ADCY4: variants seen among roughly 807,000 people sequenced by gnomAD.
ADCY4 encodes adenylate cyclase type 4.
Under a neutral mutation model 125.5 loss-of-function variants are expected in ADCY4, and 111 were observed. The ratio of observed to expected loss-of-function variants is 0.88; its 90% CI spans 0.76 to 1.04. ADCY4 has a LOEUF of 1.04. Ranked by LOEUF, ADCY4 falls within the 50% of genes least tolerant of loss-of-function variation. The probability of loss-of-function intolerance (pLI) is 0.00; values close to 1 mark genes in which losing one functional copy is unlikely to be tolerated. For missense variants in ADCY4, 1,256 were observed against 1,382.9 expected (o/e 0.91, Z 1.46); for synonymous variants, 576 against 586.9 (o/e 0.98, Z 0.27).
intron 6 of ADCY4, 98 bp downstream of exon 6, chr14:24,330,919 TG>T: frequency 9.4e-7 from 1 of 1,059,982 alleles, no homozygotes; most frequent in Non-Finnish European, 1.4e-6. Context: ...TGCACTGAAG[TG>T]GGCCTGGGAT....
chr14:24,334,040 C>T (rs2139231068), intron 1 of ADCY4, among the ~76,000 whole-genome samples: 1 of 152,326 alleles, frequency 6.6e-6, no homozygotes, highest in African/African-American at 2.4e-5. Flanking sequence ...TTCTTCCTCC[C>T]CAAACAGAAA....
chr14:24,322,116 G>T lies in ADCY4; in HGVS notation c.2536C>A (p.Leu846Ile), dbSNP rs1438151899. 1.2e-6 allele frequency: 2 copies of T among 1,614,156 alleles called. No individual in the cohort carries two copies. Among genetic ancestry groups the T allele is most frequent in the Non-Finnish European group, 1.7e-6 (2 of 1,180,002 alleles). Residue 846 changes from leucine (L) to isoleucine (I), a missense_variant, in exon 20 of 25, where the codon CTC becomes ATC. Physicochemically the swap from Leu to Ile is conservative, Grantham distance 5. Coordinates refer to ENST00000418030, the MANE Select transcript of ADCY4 (RefSeq NM_001198568.2). ...AACTGGGGGGCCACGTGTGCAGGGA[G>T]CACGTTCTCCAAGAGCAGCCGAGTC... is the stretch of plus-strand genomic sequence containing the variant. ...NLTRLLLENV[L>I]PAHVAPQFIG... is the part of the protein sequence containing the mutation.
chr14:24,330,880 C>G, intron 6 of ADCY4, 138 bp downstream of exon 6: 1 of 716,220 alleles, frequency 1.4e-6, no homozygotes, highest in Non-Finnish European at 2.3e-6. Context: ...AGGGTTTCCT[C>G]CTTCCACTGG....
At chr14:24,325,711 A>G (rs1312379828) in intron 13 of ADCY4, 107 bp downstream of exon 13, 2 of 1,333,780 alleles carry the variant, frequency 1.5e-6, no homozygotes, top group African/African-American at 3.0e-5. Context: ...CACCCCTAGG[A>G]TCACAAACTG....
At chr14:24,322,506 G>A in intron 19 of ADCY4, 118 bp downstream of exon 19, 1 of 1,113,824 alleles carries the variant, frequency 9.0e-7, no homozygotes, top group East Asian at 2.5e-5. Flanking sequence ...AAAGGAAGCA[G>A]GAAGGCTCGC....
Position 24,319,220 on chromosome 14 carries a change from T to A in ADCY4, c.2842-8A>T. 6.2e-7 allele frequency: 1 copy of A among 1,614,038 alleles called. No individual in the cohort carries two copies. The highest frequency in any genetic ancestry group is 8.5e-7 in the Non-Finnish European group (1 of 1,179,982). On this transcript the variant is annotated splice_polypyrimidine_tract_variant and splice_region_variant and intron_variant, in intron 22 of 24. Transcript: ENST00000418030. This position sits in a 1 kb window ranked among gnomAD's most constrained non-coding sequence, Gnocchi z 4.5. ...GCAGCTCCGTTCAGCATCCTGGCAA[T>A]GGGCCCGCCCACCAGGGTGGGCCAG...
intron 10 of ADCY4, among the ~76,000 whole-genome samples, chr14:24,326,896 A>ATTTTTTTTTTTTTTTTTTTTTTTTTT (rs3078135): frequency 9.1e-6 from 1 of 109,940 alleles, no homozygotes; most frequent in African/African-American, 3.9e-5. Context: ...ACCTGGCTGG[A>ATTTTTTTTTTTTTTTTTTTTTTTTTT]TTTTTTTTTT....
At chr14:24,321,092 CTTTTTTT>C (rs113506596) in intron 20 of ADCY4, among the ~76,000 whole-genome samples, 12 of 120,242 alleles carry the variant, frequency 1.0e-4, no homozygotes, top group Admixed American at 2.5e-4. Flanking sequence ...AATTGCATTT[CTTTTTTT>C]TTTTTTTTTT....
chr14:24,321,092 C>CTT (rs113506596), intron 20 of ADCY4, among the ~76,000 whole-genome samples: 38 of 120,238 alleles, frequency 3.2e-4, no homozygotes, highest in African/African-American at 9.2e-4. Flanking sequence ...AATTGCATTT[C>CTT]TTTTTTTTTT....
At chr14:24,333,048 G>C in intron 1 of ADCY4, 60 bp from the exon 2 acceptor site, 1 of 1,468,234 alleles carries the variant, frequency 6.8e-7, no homozygotes, top group Non-Finnish European at 9.0e-7. Context: ...ACCTGATAAA[G>C]GAAAAGCCAG....
Position 24,332,372 on chromosome 14 carries a change from G to A in ADCY4, c.519+150C>T, listed in dbSNP as rs1169743443. ...GTAACAGCAGGCATTGCATCACACT[G>A]TTGTACCAGCTCTGCGAAAGCACGG... On this transcript the variant is annotated intron_variant, in intron 3 of 24. Coordinates refer to ENST00000418030, the MANE Select transcript of ADCY4 (RefSeq NM_001198568.2). 6.8e-6 allele frequency: 6 copies of A among 880,776 alleles called. No individual in the cohort carries two copies. The Admixed American group carries it at 1.1e-4, about 16-fold the overall frequency. 54.6% of individuals were successfully genotyped at this position (880,776 alleles called of 1,614,324 possible). A position where few individuals can be genotyped will look rare whatever the true frequency, so the allele number is the denominator to read the frequency against.
rs557366602 is a variant in ADCY4, at chr14:24,323,372, G to C, written c.2129C>G (p.Pro710Arg). 11 of 1,556,672 alleles carry C rather than the reference G, an allele frequency of 7.1e-6. No individual in the cohort carries two copies. The highest frequency in any genetic ancestry group is 1.2e-5 in the South Asian group (1 of 84,402). ...GACACTGATGAGAGGCAGAGACCCA[G>C]GGAGCTCCCAGGAGAGGTTGGAAAT... ...SMISNLSWEL[P>R]GSLPLISVPY... The change falls in exon 17 of 25, where the codon CCT becomes CGT. Residue 710 changes from proline to arginine, a missense_variant. Pro to Arg is a moderately radical substitution (Grantham distance 103, BLOSUM62 -2). Coordinates refer to ENST00000418030, the MANE Select transcript of ADCY4 (RefSeq NM_001198568.2).
At position 24,322,718 on chromosome 14, in the gene ADCY4, CCA is replaced by C; in HGVS notation, c.2343-12_2343-11del. The C allele has an allele frequency of 2.5e-6, 4 of 1,613,280 alleles. No homozygotes were observed. The highest frequency in any genetic ancestry group is 3.4e-6 in the Non-Finnish European group (4 of 1,179,604). Reference sequence around the variant, plus strand: ...CTTCAGCACTCCGGGCCTGAAGGGGCCATGGATCAGGGTGACCCCTTGCTTTC... The same window carrying C: ...CTTCAGCACTCCGGGCCTGAAGGGGCTGGATCAGGGTGACCCCTTGCTTTC... On this transcript the variant is annotated splice_polypyrimidine_tract_variant and intron_variant, in intron 18 of 24. Transcript: ENST00000418030.
rs2042020851 is a variant in ADCY4, at chr14:24,330,283, T to C, written c.943A>G (p.Met315Val). Reference protein sequence around the residue: ...FDQIAKEHECMRIKILGDCYY... With the variant: ...FDQIAKEHECVRIKILGDCYY... ...CAGTCCCCCAGGATCTTGATCCGCA[T>C]GCATTCATGCTCCTGGGAGTGTGTA... is the stretch of plus-strand genomic sequence containing the variant. The change falls in exon 7 of 25, where the codon ATG becomes GTG. Residue 315 changes from methionine to valine, a missense_variant. Physicochemically the swap from Met to Val is conservative, Grantham distance 21. Transcript: ENST00000418030. The C allele has an allele frequency of 1.9e-6, 3 of 1,614,158 alleles. No homozygotes were observed. The highest frequency in any genetic ancestry group is 2.5e-6 in the Non-Finnish European group (3 of 1,180,030).
At position 24,326,040 on chromosome 14, in the gene ADCY4, A is replaced by G. The variant is rs750628891; in HGVS notation, c.1655+39T>C. 16 of 1,571,514 alleles carry G rather than the reference A, an allele frequency of 1.0e-5. No individual in the cohort carries two copies. The Admixed American group carries it at 2.9e-4, about 28-fold the overall frequency. On this transcript the variant is annotated intron_variant, in intron 12 of 24. Transcript: ENST00000418030. ...CATCCCTTCTCCACCATATGACCTCAGGGCCTGCGGCCCCCCCAGCCCTCT... is the reference window on the plus strand; with the variant it reads ...CATCCCTTCTCCACCATATGACCTCGGGGCCTGCGGCCCCCCCAGCCCTCT...
At chr14:24,323,933 A>T in intron 16 of ADCY4, 129 bp downstream of exon 16, 2 of 1,343,450 alleles carry the variant, frequency 1.5e-6, no homozygotes, top group Non-Finnish European at 2.0e-6. Flanking sequence ...TTTTCTTTCT[A>T]TTTGTACAAC....
At chr14:24,322,359 A>G in intron 19 of ADCY4, 135 bp from the exon 20 acceptor site, 2 of 1,075,440 alleles carry the variant, frequency 1.9e-6, no homozygotes, top group Non-Finnish European at 1.3e-6. Flanking sequence ...CTTAAGGTGT[A>G]AGTATACTTG....
At position 24,334,700 on chromosome 14, in the gene ADCY4, G is replaced by C. The variant is rs1283588370; in HGVS notation, c.-48C>G. The C allele has an allele frequency of 9.8e-6, 14 of 1,430,220 alleles. No homozygotes were observed. The Admixed American group carries it at 3.5e-4, about 36-fold the overall frequency. The allele number at this position is 1,430,220 out of a possible 1,614,324, so 88.6% of individuals were successfully genotyped here. On this transcript the variant is annotated 5_prime_UTR_variant, in exon 1 of 25. Transcript: ENST00000418030. ...GGGGCTGGCTAGGGCCGGGCGCCGG[G>C]TTACCTCCTTCGGCCCGGCGGGCCC...
Position 24,322,318 on chromosome 14 carries a change from C to G in ADCY4, c.2428-94G>C. ...CCCAACTCCATGATGCCTGAAACCA[C>G]CCCCACCCCACCCCCAGTTTAGAAG... On this transcript the variant is annotated intron_variant, in intron 19 of 24. Transcript: ENST00000418030. The G allele has an allele frequency of 3.6e-6, 5 of 1,399,686 alleles. No individual in the cohort carries two copies. In the Admixed American group the frequency reaches 1.1e-4, roughly 31 times the overall value. The allele number at this position is 1,399,686 out of a possible 1,614,324, so 86.7% of individuals were successfully genotyped here. A position where few individuals can be genotyped will look rare whatever the true frequency, so the allele number is the denominator to read the frequency against.
Sources: allele counts gnomAD v4.1 joint callset (sites outside exome capture counted in the v4.1 genomes callset), GRCh38; gene constraint gnomAD v4.1.1; non-coding constraint Gnocchi (gnomAD v3.1); transcripts MANE v1.5; gene names NCBI Gene and HGNC (gene_info 2026-07-23, HGNC 2026-07-21).